The following DNER variants were observed in gnomAD, a reference collection of about 807,000 sequenced individuals.
DNER encodes delta and Notch-like epidermal growth factor-related receptor.
Under a neutral mutation model 78.2 loss-of-function variants are expected in DNER, and 33 were observed. The ratio of observed to expected loss-of-function variants is 0.42; its 90% confidence interval spans 0.32 to 0.56. The LOEUF is 0.56. DNER is among the 20% of genes least tolerant of loss of function. DNER has a pLI of 0.11. For missense variants in DNER, 918 were observed against 975.3 expected, an observed-to-expected ratio of 0.94 and a Z score of 0.78; for synonymous variants, 417 against 384.8, an observed-to-expected ratio of 1.08 and a Z score of -0.98.
At chr2:229,384,735 C>A (rs1425040938) in intron 11 of DNER, among the ~76,000 whole-genome samples, 2 of 152,068 alleles carry the variant, frequency 1.3e-5, no homozygotes, top group Non-Finnish European at 2.9e-5. Flanking sequence ...CCTGAATAGA[C>A]CAATAAGAAG....
At chr2:229,669,236 G>C (rs916312652) in intron 1 of DNER, among the ~76,000 whole-genome samples, 2 of 152,110 alleles carry the variant, frequency 1.3e-5, no homozygotes, top group Non-Finnish European at 1.5e-5. Flanking sequence ...GGCAAGGGCA[G>C]GGAGAGCATT....
intron 4 of DNER, among the ~76,000 whole-genome samples, chr2:229,558,480 T>C (rs1308243402): frequency 6.6e-6 from 1 of 152,264 alleles, no homozygotes; most frequent in Admixed American, 6.5e-5. Flanking sequence ...ATCTGATTTT[T>C]ATAACCTTAT....
chr2:229,696,782 C>T (rs746600130), intron 1 of DNER, among the ~76,000 whole-genome samples: 4 of 152,142 alleles, frequency 2.6e-5, no homozygotes, highest in Middle Eastern at 3.4e-3. Context: ...CCTCAGATCA[C>T]GGCTGGAATG....
At chr2:229,635,496 G>A (rs1003880290) in intron 1 of DNER, among the ~76,000 whole-genome samples, 6 of 151,958 alleles carry the variant, frequency 3.9e-5, no homozygotes, top group African/African-American at 1.5e-4. Flanking sequence ...TGGCACTTCA[G>A]TATTGACACA....
chr2:229,580,056 C>T (rs1376514565), intron 4 of DNER: 3 of 151,832 alleles, frequency 2.0e-5, no homozygotes, highest in African/African-American at 4.9e-5. Context: ...AATACACTAC[C>T]GTAGGAACCA....
At chr2:229,518,127 G>A (rs1030473275) in intron 5 of DNER, among the ~76,000 whole-genome samples, 58 of 152,334 alleles carry the variant, frequency 3.8e-4, no homozygotes, top group African/African-American at 1.3e-3. Flanking sequence ...TTATGTTTGA[G>A]TCTTCCATTT....
chr2:229,383,908 A>G (rs2106333662), intron 11 of DNER, among the ~76,000 whole-genome samples: 1 of 152,272 alleles, frequency 6.6e-6, no homozygotes, highest in South Asian at 2.1e-4. Flanking sequence ...GACCAAGCAG[A>G]CCTAATAGAC....
At chr2:229,619,124 T>C (rs1316775021) in intron 1 of DNER, among the ~76,000 whole-genome samples, 2 of 151,558 alleles carry the variant, frequency 1.3e-5, no homozygotes, top group Admixed American at 1.3e-4. Flanking sequence ...GGGGACAAAG[T>C]GAAACCCTGT....
intron 5 of DNER, among the ~76,000 whole-genome samples, chr2:229,540,238 G>A (rs1046220431): frequency 6.6e-6 from 1 of 152,012 alleles, no homozygotes; most frequent in African/African-American, 2.4e-5. Context: ...GGGGGAGCAG[G>A]GCCAGTGAGG....
At chr2:229,428,055 A>T (rs1693919733) in intron 8 of DNER, among the ~76,000 whole-genome samples, 2 of 146,152 alleles carry the variant, frequency 1.4e-5, no homozygotes, top group Non-Finnish European at 3.0e-5. Context: ...AGCCTGGGTG[A>T]CAGAGCGAGA....
intron 10 of DNER, among the ~76,000 whole-genome samples, chr2:229,406,522 A>G (rs1162584882): frequency 2.6e-5 from 4 of 152,190 alleles, no homozygotes; most frequent in Non-Finnish European, 5.9e-5. Context: ...AGAAAGTTAA[A>G]AGCCTGAGAG....
At chr2:229,660,710 T>C (rs926960805) in intron 1 of DNER, among the ~76,000 whole-genome samples, 1 of 152,210 alleles carries the variant, frequency 6.6e-6, no homozygotes, top group Non-Finnish European at 1.5e-5. Flanking sequence ...TATCTGAAGC[T>C]ATACCCTGGT....
intron 8 of DNER, among the ~76,000 whole-genome samples, chr2:229,433,392 T>C (rs1240423589): frequency 3.9e-5 from 6 of 152,064 alleles, no homozygotes; most frequent in African/African-American, 1.2e-4. Flanking sequence ...GCACATGGAC[T>C]AAAGGAAGCT....
chr2:229,661,619 A>C (rs959106225), intron 1 of DNER, among the ~76,000 whole-genome samples: 10 of 152,236 alleles, frequency 6.6e-5, no homozygotes, highest in Admixed American at 1.3e-4. Context: ...AAGTTAACAA[A>C]AAAGAAAAAG....
intron 8 of DNER, among the ~76,000 whole-genome samples, chr2:229,433,452 C>T (rs1025873397): frequency 1.3e-5 from 2 of 152,050 alleles, no homozygotes; most frequent in Non-Finnish European, 2.9e-5. Flanking sequence ...CAAAGGAATC[C>T]CAAAGTGACA....
intron 7 of DNER, among the ~76,000 whole-genome samples, chr2:229,468,656 A>T (rs947715946): frequency 2.0e-5 from 3 of 152,144 alleles, no homozygotes; most frequent in Non-Finnish European, 2.9e-5. Flanking sequence ...TACTGAATTG[A>T]GTAATAATAA....
rs567259991 is a variant in DNER, at chr2:229,515,980, G to A, written c.994-3044C>T. 1.6e-3 allele frequency among the ~76,000 whole-genome samples: 250 copies of A among 152,276 alleles called. 2 individuals are homozygous for A. Among genetic ancestry groups the A allele is most frequent in the African/African-American group, 5.6e-3 (233 of 41,544 alleles). On this transcript the variant is annotated intron_variant, in intron 5 of 12. Transcript: ENST00000341772. Reference sequence around the variant, plus strand: ...TTTGATTGAATTTAGAGATAAAACAGAAGCCATCCATTTTGTTTTGCTTTA... The same window carrying A: ...TTTGATTGAATTTAGAGATAAAACAAAAGCCATCCATTTTGTTTTGCTTTA...
intron 8 of DNER, among the ~76,000 whole-genome samples, chr2:229,423,257 C>G (rs962953001): frequency 6.6e-6 from 1 of 152,064 alleles, no homozygotes; most frequent in Non-Finnish European, 1.5e-5. Flanking sequence ...AGGCAAAAAC[C>G]CTGTTGATAA....
intron 12 of DNER, 151 bp downstream of exon 12, chr2:229,366,722 C>T (rs1692355358): frequency 8.1e-6 from 10 of 1,239,386 alleles, no homozygotes; most frequent in Non-Finnish European, 1.1e-5. Context: ...ATCAAGTGGT[C>T]GAATGATCTA....
Sources: gnomAD v4.1 joint callset for allele counts (sites outside exome capture counted in the v4.1 genomes callset) on GRCh38, gnomAD v4.1.1 for gene constraint, MANE v1.5 for transcripts, NCBI Gene and HGNC (gene_info 2026-07-23, HGNC 2026-07-21) for gene names.